The following BPIFA1 variants were observed in gnomAD, a reference collection of about 807,000 sequenced individuals.
The protein encoded by BPIFA1 is BPI fold containing family A member 1.
In BPIFA1, 24 loss-of-function variants were observed where a neutral mutation model predicts 25.1. That is an observed-to-expected ratio of 0.96 (90% CI 0.69 to 1.35). BPIFA1 has a LOEUF of 1.35. BPIFA1 is among the 40% of genes most tolerant of loss of function. The pLI, the probability that BPIFA1 is intolerant of heterozygous loss-of-function variation, is 0.00. For synonymous variants in BPIFA1, 139 were observed against 131.8 expected (o/e 1.05, Z -0.37); for missense variants, 344 against 303.7 (o/e 1.13, Z -0.99).
chr20:33,240,408 T>C, intron 5 of BPIFA1, 23 bp downstream of exon 5: 1 of 1,612,796 alleles, frequency 6.2e-7, no homozygotes, highest in Non-Finnish European at 8.5e-7. Context: ...GAGCAGCTTA[T>C]CCTGCCCAGA....
intron 3 of BPIFA1, 83 bp downstream of exon 3, chr20:33,238,297 G>T: frequency 7.1e-7 from 1 of 1,400,498 alleles, no homozygotes; most frequent in Non-Finnish European, 9.5e-7. Flanking sequence ...TGACCCTGAA[G>T]CAGCGACCCT....
rs922615327 is a variant in BPIFA1 at position 33,239,984 on chromosome 20, G to A, written c.428+74G>A. 42 of 1,486,562 alleles carry A rather than the reference G, an allele frequency of 2.8e-5. 1 individual carries two copies. Among genetic ancestry groups the A allele is most frequent in the Middle Eastern group, 1.8e-4 (1 of 5,694 alleles). 92.1% of individuals were successfully genotyped at this position (1,486,562 alleles called of 1,614,324 possible). ...CCTGGTGACCATGGTTAACCATAAC[G>A]GGGGTATTGGAGTCTAACAGACCTG... On this transcript the variant is annotated intron_variant, in intron 4 of 8. Coordinates refer to ENST00000354297, the MANE Select transcript of BPIFA1 (RefSeq NM_130852.3).
chr20:33,239,892 T>C lies in BPIFA1; in HGVS notation c.410T>C (p.Ile137Thr), dbSNP rs758397951. ...HRLYVTIPLG[I>T]KLQVNTPLVG... The stretch of plus-strand genomic sequence containing the variant: ...CTCTATGTCACCATCCCTCTCGGCA[T>C]AAAGCTCCAAGTGAATACGTGAGTG... Residue 137 changes from isoleucine (I) to threonine (T), a missense_variant, in exon 4 of 9, where the codon ATA becomes ACA. Ile to Thr is a moderately conservative substitution (Grantham distance 89, BLOSUM62 -1). Transcript: ENST00000354297. 14 of 1,613,918 alleles carry C rather than the reference T, an allele frequency of 8.7e-6. No individual in the cohort carries two copies. Among genetic ancestry groups the C allele is most frequent in the Admixed American group, 1.7e-5 (1 of 59,990 alleles).
At chr20:33,241,305 G>A (rs1978966169) in intron 5 of BPIFA1, 80 bp from the exon 6 acceptor site, 1 of 1,302,478 alleles carries the variant, frequency 7.7e-7, no homozygotes, top group Admixed American at 1.7e-5. Flanking sequence ...TTGAGACTGT[G>A]GGGTTCACAG....
rs115838258 is a variant in BPIFA1, at chr20:33,239,950, G to A, written c.428+40G>A. On this transcript the variant is annotated intron_variant, in intron 4 of 8. Coordinates refer to ENST00000354297, the MANE Select transcript of BPIFA1 (RefSeq NM_130852.3). ...AGAGGGGGTGAGAGGATGGCTCACC[G>A]AGGGAGACCCTGGTGACCATGGTTA... is the stretch of plus-strand genomic sequence containing the variant. 858 of 1,558,342 alleles carry A rather than the reference G, an allele frequency of 5.5e-4. 3 individuals carry two copies. In the African/African-American group the frequency reaches 9.1e-3, roughly 17 times the overall value.
chr20:33,242,171 C>T (rs754229920), intron 7 of BPIFA1, 52 bp downstream of exon 7: 2 of 1,581,008 alleles, frequency 1.3e-6, no homozygotes, highest in Non-Finnish European at 1.7e-6. Flanking sequence ...GCAGCAACTT[C>T]CCCCAAGGAG....
chr20:33,239,943 G>T, intron 4 of BPIFA1, 33 bp downstream of exon 4: 1 of 1,576,992 alleles, frequency 6.3e-7, no homozygotes. Context: ...TGAGAGGATG[G>T]CTCACCGAGG....
At chr20:33,242,913 A>G (rs1217252527) in intron 8 of BPIFA1, among the ~76,000 whole-genome samples, 194 bp from the exon 9 acceptor site, 1 of 152,124 alleles carries the variant, frequency 6.6e-6, no homozygotes, top group Non-Finnish European at 1.5e-5. Flanking sequence ...ATATGCACAC[A>G]TCAGTGGACT....
intron 3 of BPIFA1, among the ~76,000 whole-genome samples, chr20:33,238,735 T>C (rs1468508081): frequency 6.6e-6 from 1 of 152,144 alleles, no homozygotes; most frequent in South Asian, 2.1e-4. Context: ...GTGATGTCCA[T>C]GGAAAGGTCT....
chr20:33,241,533 G>T (rs543096621), intron 6 of BPIFA1, 64 bp downstream of exon 6: 8 of 1,450,882 alleles, frequency 5.5e-6, no homozygotes, highest in Non-Finnish European at 7.8e-6. Context: ...CTAAAACAAA[G>T]CCCTGAGCTA....
At chr20:33,241,531 A>C (rs967873599) in intron 6 of BPIFA1, 62 bp downstream of exon 6, 6 of 1,466,348 alleles carry the variant, frequency 4.1e-6, no homozygotes, top group Non-Finnish European at 5.7e-6. Flanking sequence ...CACTAAAACA[A>C]AGCCCTGAGC....
At chr20:33,236,873 C>T (rs947677700) in intron 1 of BPIFA1, among the ~76,000 whole-genome samples, 1 of 152,112 alleles carries the variant, frequency 6.6e-6, no homozygotes, top group Non-Finnish European at 1.5e-5. Flanking sequence ...GCAATGAAGA[C>T]TTTGATGGCC....
intron 1 of BPIFA1, among the ~76,000 whole-genome samples, chr20:33,236,423 G>C (rs1978680508): frequency 6.6e-6 from 1 of 152,148 alleles, no homozygotes. Flanking sequence ...TAAAGGGTCT[G>C]TTGCCCAAAA....
intron 3 of BPIFA1, among the ~76,000 whole-genome samples, chr20:33,239,427 T>C (rs893806180): frequency 6.6e-6 from 1 of 152,240 alleles, no homozygotes; most frequent in African/African-American, 2.4e-5. Context: ...TCCATCCATG[T>C]ACCCACATAT....
chr20:33,240,026 T>C, intron 4 of BPIFA1, 116 bp downstream of exon 4: 1 of 1,345,712 alleles, frequency 7.4e-7, no homozygotes, highest in Non-Finnish European at 1.0e-6. Context: ...CAACTTCAGC[T>C]CATTTGCTGC....
rs765317724 is a variant in BPIFA1 at position 33,239,888 on chromosome 20, G to A, written c.406G>A (p.Gly136Ser). 1.4e-5 allele frequency: 23 copies of A among 1,613,938 alleles called. No homozygotes were observed. The highest frequency in any genetic ancestry group is 1.1e-4 in the African/African-American group (8 of 74,920). ...CCGTCTCTATGTCACCATCCCTCTC[G>A]GCATAAAGCTCCAAGTGAATACGTG... ...GHRLYVTIPL[G>S]IKLQVNTPLV... is the part of the protein sequence containing the mutation. Residue 136 changes from glycine (G) to serine (S), a missense_variant, in exon 4 of 9, where the codon GGC becomes AGC. Transcript: ENST00000354297.
rs367617934 is a variant in BPIFA1, at chr20:33,240,437, C to G, written c.581+52C>G. On this transcript the variant is annotated intron_variant, in intron 5 of 8. Coordinates refer to ENST00000354297, the MANE Select transcript of BPIFA1 (RefSeq NM_130852.3). ...GCCCAGAGATGACAGGGTGTGATGC[C>G]GGATGGATGATTGGAAAGCTGAGAC... The G allele has an allele frequency of 3.1e-6, 5 of 1,594,280 alleles. No individual in the cohort carries two copies. In the South Asian group the frequency reaches 5.6e-5, roughly 18 times the overall value.
intron 1 of BPIFA1, among the ~76,000 whole-genome samples, chr20:33,237,019 A>G (rs1157010243): frequency 6.6e-6 from 1 of 152,152 alleles, no homozygotes; most frequent in Non-Finnish European, 1.5e-5. Flanking sequence ...GGATGATCTA[A>G]AACAGTTCAA....
chr20:33,238,074 GT>G lies in BPIFA1; in HGVS notation c.181del (p.Ser61LeufsTer17), dbSNP rs1568630193. 5 of 1,613,804 alleles carry G rather than the reference GT, an allele frequency of 3.1e-6. No homozygotes were observed. In the East Asian group the frequency reaches 1.1e-4, roughly 36 times the overall value. ...TTCCAGCCCTCAGCAATGGCCTGCT[GT>G]CTGGGGGCCTGTTGGGCATTCTGGA... ...LTNALSNGLL[S>X]GGLLGILENL... is the part of the protein sequence containing the mutation. On this transcript the variant is annotated frameshift_variant, in exon 3 of 9. Coordinates refer to ENST00000354297, the MANE Select transcript of BPIFA1 (RefSeq NM_130852.3). LOFTEE classifies it high-confidence loss of function.
Sources: gnomAD v4.1 joint callset for allele counts (sites outside exome capture counted in the v4.1 genomes callset) on GRCh38, gnomAD v4.1.1 for gene constraint, MANE v1.5 for transcripts, NCBI Gene and HGNC (gene_info 2026-07-23, HGNC 2026-07-21) for gene names.